The following UNC13C variants were observed in gnomAD, a reference collection of about 807,000 sequenced individuals.
The protein encoded by UNC13C is protein unc-13 homolog C.
In UNC13C, 174 loss-of-function variants were observed where a neutral mutation model predicts 245.4. That is an observed-to-expected ratio of 0.71 (90% CI 0.63 to 0.80). The LOEUF (loss-of-function observed/expected upper bound fraction) is 0.80. Among genes scored for constraint, UNC13C ranks in the 30% least tolerant of loss-of-function variants. The pLI, the probability that UNC13C is intolerant of heterozygous loss-of-function variation, is 0.00. For missense variants in UNC13C, 2,829 were observed against 2,602.9 expected, an observed-to-expected ratio of 1.09 and a Z score of -1.89; for synonymous variants, 992 against 895.1, an observed-to-expected ratio of 1.11 and a Z score of -1.93.
intron 11 of UNC13C, among the ~76,000 whole-genome samples, chr15:54,297,319 T>G (rs910070060): frequency 1.3e-5 from 2 of 152,010 alleles, no homozygotes; most frequent in African/African-American, 4.8e-5. Context: ...TAGGCAAATA[T>G]TTTTAATTGT....
chr15:53,949,780 G>A, the UNC13C span, among the ~76,000 whole-genome samples: 1 of 152,168 alleles, frequency 6.6e-6, no homozygotes, highest in African/African-American at 2.4e-5. Flanking sequence ...TATTAGGAAG[G>A]TTGGGAATTT....
intron 31 of UNC13C, among the ~76,000 whole-genome samples, chr15:54,623,250 G>C (rs988098975): frequency 4.6e-5 from 7 of 151,742 alleles, no homozygotes; most frequent in Non-Finnish European, 8.8e-5. Context: ...ACAAGTGACT[G>C]GCTAAATATA....
intron 30 of UNC13C, among the ~76,000 whole-genome samples, chr15:54,587,794 T>C (rs2141249614): frequency 6.6e-6 from 1 of 152,328 alleles, no homozygotes; most frequent in East Asian, 1.9e-4. Context: ...CAAACATCTT[T>C]TTACTTTATT....
chr15:54,143,471 GC>G, intron 3 of UNC13C, 148 bp from the exon 4 acceptor site: 2 of 604,264 alleles, frequency 3.3e-6, no homozygotes, highest in East Asian at 5.6e-5. Flanking sequence ...AAACACAGTA[GC>G]TTTGACTTGG....
chr15:54,094,109 C>T (rs1899722021), intron 2 of UNC13C, among the ~76,000 whole-genome samples: 1 of 152,120 alleles, frequency 6.6e-6, no homozygotes, highest in African/African-American at 2.4e-5. Flanking sequence ...CAAAGGCAGA[C>T]CTGTTTCTTG....
chr15:54,294,049 G>T lies in UNC13C; in HGVS notation c.3973G>T (p.Val1325Phe). Residue 1325 changes from valine to phenylalanine, a missense_variant, in exon 11 of 33, where the codon GTC becomes TTC. By Grantham distance (50) the Val-to-Phe change is conservative. Transcript: ENST00000260323. ...EVRTLSGEMD[V>F]WYNLEKRTDK... ...GAGGACCTTGAGTGGAGAAATGGAT[G>T]TCTGGTACAACTTAGGTGATTTTTT... 1 of 1,553,114 alleles carries T rather than the reference G, an allele frequency of 6.4e-7. No individual in the cohort carries two copies. The highest frequency in any genetic ancestry group is 8.6e-7 in the Non-Finnish European group (1 of 1,156,414).
At chr15:54,283,708 A>ATGTGTG (rs577915836) in intron 10 of UNC13C, among the ~76,000 whole-genome samples, 2 of 68,786 alleles carry the variant, frequency 2.9e-5, no homozygotes, top group South Asian at 5.7e-4. Flanking sequence ...GTGTATATAT[A>ATGTGTG]TATGTGTGTG....
At chr15:53,902,300 C>G in the UNC13C span, among the ~76,000 whole-genome samples, 4 of 152,102 alleles carry the variant, frequency 2.6e-5, no homozygotes, top group East Asian at 1.9e-4. Context: ...TTCCTAGATA[C>G]AGGAGACAGA....
chr15:54,013,959 A>T lies in UNC13C; in HGVS notation c.1056A>T (p.Pro352=), dbSNP rs1486960339. ...ATAAAATGGGTTTTTCAGATGCACC[A>T]AATGCTATTAAAATTGAATTTGCTC... is the stretch of plus-strand genomic sequence containing the variant. ...LIDKMGFSDA[P]NAIKIEFAQR... Residue 352 remains proline, a synonymous_variant, in exon 2 of 33, where the codon CCA becomes CCT. Coordinates refer to ENST00000260323, the MANE Select transcript of UNC13C (RefSeq NM_001080534.3). 6.2e-7 allele frequency: 1 copy of T among 1,613,814 alleles called. No homozygotes were observed. The highest frequency in any genetic ancestry group is 1.7e-5 in the Admixed American group (1 of 59,930).
intron 2 of UNC13C, among the ~76,000 whole-genome samples, chr15:54,033,639 G>A (rs763543899): frequency 4.6e-5 from 7 of 152,198 alleles, no homozygotes; most frequent in Non-Finnish European, 8.8e-5. Flanking sequence ...GACTGGCCAC[G>A]TTGGAGAATC....
At chr15:53,866,982 T>C in the UNC13C span, among the ~76,000 whole-genome samples, 30 of 152,174 alleles carry the variant, frequency 2.0e-4, 1 homozygote, top group Admixed American at 3.9e-4. Flanking sequence ...GTATCAGTAA[T>C]TAAGGAGTCA....
chr15:54,502,445 A>G (rs1894265993), intron 22 of UNC13C, among the ~76,000 whole-genome samples: 5 of 152,182 alleles, frequency 3.3e-5, no homozygotes, highest in Admixed American at 3.3e-4. Context: ...CTTTTAAAAT[A>G]TTAAATAATA....
rs552414366 is a variant in UNC13C at position 54,074,884 on chromosome 15, T to C, written c.2983+58998T>C. Among the ~76,000 whole-genome samples, 6 of 145,656 alleles carry C rather than the reference T, an allele frequency of 4.1e-5. No individual in the cohort carries two copies. In the South Asian group the frequency reaches 1.3e-3, roughly 32 times the overall value. On this transcript the variant is annotated intron_variant, in intron 2 of 32. Coordinates refer to ENST00000260323, the MANE Select transcript of UNC13C (RefSeq NM_001080534.3). ...CCCTTTATTTCTTTATCTTGCCTGA[T>C]TGCCCTGGCCAGAACTTCCAATACT...
At chr15:53,974,152 A>T (rs1415814744), upstream of UNC13C, among the ~76,000 whole-genome samples, 2 of 151,422 alleles carry the variant, frequency 1.3e-5, no homozygotes, top group Non-Finnish European at 3.0e-5. Context: ...AAGAAAATGT[A>T]TGTAATAACA....
chr15:53,972,592 T>G, the UNC13C span: 7 of 152,160 alleles, frequency 4.6e-5, no homozygotes, highest in African/African-American at 1.7e-4. Context: ...CAAATATAGT[T>G]TCTAAAAACC....
intron 4 of UNC13C, among the ~76,000 whole-genome samples, chr15:54,217,005 T>C (rs1320386576): frequency 6.6e-6 from 1 of 151,968 alleles, no homozygotes; most frequent in Admixed American, 6.6e-5. Context: ...TATGTGTTGT[T>C]TCCAATAAAG....
At chr15:54,575,740 A>T (rs191539164) in intron 30 of UNC13C, among the ~76,000 whole-genome samples, 315 of 152,340 alleles carry the variant, frequency 2.1e-3, no homozygotes, top group Non-Finnish European at 3.3e-3. Flanking sequence ...AGCTTGTCAG[A>T]GATAATCAGA....
chr15:53,958,931 C>T, the UNC13C span, among the ~76,000 whole-genome samples: 1 of 152,120 alleles, frequency 6.6e-6, no homozygotes, highest in Non-Finnish European at 1.5e-5. Context: ...CATTAAGCAA[C>T]CTCTCTTCCT....
At chr15:54,401,855 T>A (rs1202444175) in intron 18 of UNC13C, among the ~76,000 whole-genome samples, 4 of 152,124 alleles carry the variant, frequency 2.6e-5, no homozygotes, top group Non-Finnish European at 5.9e-5. Context: ...AGAGTTCAGC[T>A]TTTCTTGGGT....
Sources: allele counts gnomAD v4.1 joint callset (sites outside exome capture counted in the v4.1 genomes callset), GRCh38; gene constraint gnomAD v4.1.1; transcripts MANE v1.5; gene names NCBI Gene and HGNC (gene_info 2026-07-23, HGNC 2026-07-21).